Variants in KLHL12 observed in about 807,000 individuals in gnomAD.
The protein encoded by KLHL12 is kelch-like protein 12.
Under a neutral mutation model 60.8 loss-of-function variants are expected in KLHL12, and 17 were observed. The ratio of observed to expected loss-of-function variants is 0.28; its 90% CI spans 0.19 to 0.42. The LOEUF is 0.42. Among genes scored for constraint, KLHL12 ranks in the 10% least tolerant of loss-of-function variants. The pLI, the probability that KLHL12 is intolerant of heterozygous loss-of-function variation, is 1.00. For synonymous variants in KLHL12, 220 were observed against 250.9 expected (o/e 0.88, Z 1.16); for missense variants, 468 against 722.3 (o/e 0.65, Z 4.04).
At chr1:202,910,918 C>T in intron 5 of KLHL12, 136 bp downstream of exon 5, 1 of 923,140 alleles carries the variant, frequency 1.1e-6, no homozygotes, top group Non-Finnish European at 1.7e-6. Context: ...GACTACCCAG[C>T]ACCACTCTCA....
At chr1:202,899,595 G>A (rs2102413909) in intron 6 of KLHL12, among the ~76,000 whole-genome samples, 1 of 152,064 alleles carries the variant, frequency 6.6e-6, no homozygotes, top group East Asian at 1.9e-4. Flanking sequence ...GGAGGCCAAA[G>A]CAGGTAAATT....
upstream of KLHL12, among the ~76,000 whole-genome samples, chr1:202,927,561 T>C (rs1297933899): frequency 7.2e-6 from 1 of 138,036 alleles, no homozygotes; most frequent in Non-Finnish European, 1.5e-5. Context: ...ACCGCGCCTG[T>C]AGTCCCAGCT....
Position 202,918,403 on chromosome 1 carries a change from G to C in KLHL12, c.350-15C>G. The C allele has an allele frequency of 6.3e-7, 1 of 1,594,640 alleles. No homozygotes were observed. Among genetic ancestry groups the C allele is most frequent in the Non-Finnish European group, 8.6e-7 (1 of 1,162,352 alleles). ...TTGTTTCACACCTAGGACAGACACA[G>C]GCAGCAAACACTTTAGAATAGTTGG... On this transcript the variant is annotated splice_polypyrimidine_tract_variant and intron_variant, in intron 3 of 11. Transcript: ENST00000367261.
chr1:202,902,033 TACAG>T (rs973018076), intron 6 of KLHL12, among the ~76,000 whole-genome samples: 104 of 151,976 alleles, frequency 6.8e-4, no homozygotes, highest in African/African-American at 2.4e-3. Context: ...ACTTGGAAAA[TACAG>T]ACAGGTATTA....
At chr1:202,905,583 C>A (rs998981612) in intron 6 of KLHL12, among the ~76,000 whole-genome samples, 4 of 152,152 alleles carry the variant, frequency 2.6e-5, no homozygotes, top group African/African-American at 9.7e-5. Flanking sequence ...GGTTGAGTAA[C>A]CCTTATCTGA....
intron 2 of KLHL12, among the ~76,000 whole-genome samples, chr1:202,922,621 G>C (rs1463463759): frequency 1.3e-5 from 2 of 151,480 alleles, no homozygotes; most frequent in Non-Finnish European, 2.9e-5. Context: ...CGAGTGGCTG[G>C]GACTACAGGC....
chr1:202,924,789 A>T (rs908657015), intron 2 of KLHL12, among the ~76,000 whole-genome samples, 179 bp downstream of exon 2: 1 of 152,204 alleles, frequency 6.6e-6, no homozygotes, highest in Non-Finnish European at 1.5e-5. Flanking sequence ...TATTATCCCT[A>T]ACTTAAAGAT....
At chr1:202,911,791 GTC>G (rs1438087857) in intron 4 of KLHL12, 2 of 695,402 alleles carry the variant, frequency 2.9e-6, no homozygotes, top group Non-Finnish European at 5.2e-6. Flanking sequence ...CATCTTTAAA[GTC>G]TCTCTCCTCC....
chr1:202,928,050 C>T (rs1286123422), upstream of KLHL12, among the ~76,000 whole-genome samples: 1 of 149,124 alleles, frequency 6.7e-6, no homozygotes, highest in Admixed American at 6.7e-5. Context: ...GAGGCCGAGA[C>T]GGGTGGATCA....
chr1:202,903,159 C>CAAAAAAA (rs67432749), intron 6 of KLHL12, among the ~76,000 whole-genome samples: 2 of 52,020 alleles, frequency 3.8e-5, no homozygotes, highest in Non-Finnish European at 7.2e-5. Flanking sequence ...GACCTTGTCT[C>CAAAAAAA]AAAAAAAAAA....
At chr1:202,926,899 G>A (rs1318853847) in intron 1 of KLHL12, among the ~76,000 whole-genome samples, 190 bp downstream of exon 1, 1 of 152,212 alleles carries the variant, frequency 6.6e-6, no homozygotes, top group Non-Finnish European at 1.5e-5. Flanking sequence ...ATCGGAGAGG[G>A]GCAGTTCAGG....
chr1:202,920,891 G>A (rs1273549765), intron 2 of KLHL12, among the ~76,000 whole-genome samples: 1 of 152,160 alleles, frequency 6.6e-6, no homozygotes, highest in Admixed American at 6.5e-5. Flanking sequence ...ACACTGGTCC[G>A]TGAACTTTTA....
chr1:202,924,681 G>A (rs775820490), intron 2 of KLHL12, among the ~76,000 whole-genome samples: 31 of 152,162 alleles, frequency 2.0e-4, no homozygotes, highest in Non-Finnish European at 5.9e-5. Context: ...TAGCTGACAT[G>A]TGTGTTTTAC....
intron 4 of KLHL12, chr1:202,911,923 T>G (rs141385656): frequency 7.3e-6 from 6 of 819,916 alleles, no homozygotes; most frequent in Non-Finnish European, 1.3e-5. Context: ...TTTTGAGCAA[T>G]GGGGAATGCT....
intron 6 of KLHL12, among the ~76,000 whole-genome samples, chr1:202,904,969 C>T (rs924411512): frequency 6.6e-6 from 1 of 152,170 alleles, no homozygotes; most frequent in South Asian, 2.1e-4. Context: ...TTTCCTTCTG[C>T]TGTATGCAGA....
chr1:202,918,476 A>G (rs1660590478), intron 3 of KLHL12, 88 bp from the exon 4 acceptor site: 2 of 948,982 alleles, frequency 2.1e-6, no homozygotes, highest in African/African-American at 3.3e-5. Flanking sequence ...TCTTCTCTAC[A>G]TGTTATCAGA....
chr1:202,892,571 G>A lies in KLHL12; in HGVS notation c.1669C>T (p.Arg557Cys), dbSNP rs749295165. The A allele has an allele frequency of 2.5e-6, 4 of 1,614,078 alleles. No individual in the cohort carries two copies. Among genetic ancestry groups the A allele is most frequent in the South Asian group, 1.1e-5 (1 of 91,074 alleles). The change falls in exon 12 of 12, where the codon CGC (arginine) becomes TGC (cysteine). Residue 557 changes from arginine (R) to cysteine (C), a missense_variant. Coordinates refer to ENST00000367261, the MANE Select transcript of KLHL12 (RefSeq NM_021633.4). ...WEVVTSMGTQRCDAGVCVLRE... is the reference protein window; with the variant it reads ...WEVVTSMGTQCCDAGVCVLRE... ...AGAACACAAACACCAGCATCACAGC[G>A]CTGGGTTCCCATGGATGTCACGACT...
At position 202,897,266 on chromosome 1, in the gene KLHL12, G is replaced by A. The variant is rs542186358; in HGVS notation, c.833-306C>T. 4.3e-5 allele frequency among the ~76,000 whole-genome samples: 5 copies of A among 117,310 alleles called. No homozygotes were observed. The South Asian group carries it at 1.0e-3, about 25-fold the overall frequency. 77.0% of individuals were successfully genotyped at this position (117,310 alleles called of 152,430 possible). ...TTTTTTTTTTTGGAGACAGAGTTTCGCTCTTGTTGACCAGGCTAGAATGCA... is the reference window on the plus strand; with the variant it reads ...TTTTTTTTTTTGGAGACAGAGTTTCACTCTTGTTGACCAGGCTAGAATGCA... On this transcript the variant is annotated intron_variant, in intron 6 of 11. Transcript: ENST00000367261.
intron 3 of KLHL12, among the ~76,000 whole-genome samples, chr1:202,918,643 C>T (rs189867790): frequency 1.8e-3 from 276 of 152,326 alleles, no homozygotes; most frequent in African/African-American, 6.4e-3. Context: ...TGAATCACAT[C>T]CAGAGACCTG....
Sources: gnomAD v4.1 joint callset for allele counts (sites outside exome capture counted in the v4.1 genomes callset) on GRCh38, gnomAD v4.1.1 for gene constraint, MANE v1.5 for transcripts, NCBI Gene and HGNC (gene_info 2026-07-23, HGNC 2026-07-21) for gene names.